The following MROH2B variants were observed in gnomAD, a reference collection of about 807,000 sequenced individuals.
The protein encoded by MROH2B is maestro heat-like repeat-containing protein family member 2B.
MROH2B carries 177 observed loss-of-function variants against 208.6 expected under a neutral mutation model. That is an observed-to-expected ratio of 0.85 (90% confidence interval 0.75 to 0.96). The LOEUF is 0.96. Among genes scored for constraint, MROH2B ranks in the 40% least tolerant of loss-of-function variants. The pLI is 0.00. For missense variants in MROH2B, 2,002 were observed against 1,878.7 expected (o/e 1.07, Z -1.21); for synonymous variants, 728 against 659.0 (o/e 1.10, Z -1.60).
chr5:41,052,042 A>G (rs1473052779), intron 12 of MROH2B, among the ~76,000 whole-genome samples: 4 of 152,164 alleles, frequency 2.6e-5, no homozygotes, highest in Non-Finnish European at 4.4e-5. Context: ...TGAATGAACT[A>G]AGACACCGTT....
intron 21 of MROH2B, among the ~76,000 whole-genome samples, chr5:41,034,626 T>C (rs1285677040): frequency 6.6e-6 from 1 of 151,262 alleles, no homozygotes; most frequent in African/African-American, 2.4e-5. Context: ...TTTTTTTGGG[T>C]AGCATTTGTG....
Position 41,008,675 on chromosome 5 carries a change from G to A in MROH2B, c.3539C>T (p.Thr1180Ile), listed in dbSNP as rs34245494. 1.2e-3 allele frequency: 1,863 copies of A among 1,613,954 alleles called. 19 individuals carry two copies. In the African/African-American group the frequency reaches 0.021, roughly 18 times the overall value. The change falls in exon 33 of 42, where the codon ACT becomes ATT. Residue 1180 changes from threonine (T) to isoleucine (I), a missense_variant. Coordinates refer to ENST00000399564, the MANE Select transcript of MROH2B (RefSeq NM_173489.5). ...VSCTLGQKMLTCPWSHRRHVM... is the reference protein window; with the variant it reads ...VSCTLGQKMLICPWSHRRHVM... Reference sequence around the variant, plus strand: ...ATGCCGCCTATGGCTCCAGGGACAAGTGAGCATCTTCTGGCCCAGTGTGCA... The same window carrying A: ...ATGCCGCCTATGGCTCCAGGGACAAATGAGCATCTTCTGGCCCAGTGTGCA...
rs1310299796 is a variant in MROH2B at position 41,049,317 on chromosome 5, G to A, written c.1464C>T (p.Ala488=). Residue 488 remains alanine, a synonymous_variant, in exon 14 of 42, where the codon GCC becomes GCT. Coordinates refer to ENST00000399564, the MANE Select transcript of MROH2B (RefSeq NM_173489.5). ...IMAEEKKQHS[A]KESTALVVST... is the part of the protein sequence containing the mutation. Reference sequence around the variant, plus strand: ...AGACGACAAGTGCTGTCGACTCCTTGGCACTGTGCTGCTTCTTCTCCTCTG... The same window carrying A: ...AGACGACAAGTGCTGTCGACTCCTTAGCACTGTGCTGCTTCTTCTCCTCTG... 2.5e-6 allele frequency: 4 copies of A among 1,613,550 alleles called. No individual in the cohort carries two copies. In the African/African-American group the frequency reaches 5.3e-5, roughly 22 times the overall value.
intron 24 of MROH2B, among the ~76,000 whole-genome samples, chr5:41,023,162 C>G (rs937957168): frequency 3.9e-5 from 6 of 152,206 alleles, no homozygotes; most frequent in Admixed American, 3.3e-4. Context: ...AAAGCAGCTC[C>G]TCACAAGCAA....
chr5:41,017,406 G>A (rs1741990430), intron 28 of MROH2B, among the ~76,000 whole-genome samples: 1 of 152,212 alleles, frequency 6.6e-6, no homozygotes, highest in East Asian at 1.9e-4. Flanking sequence ...AATTTTCTCT[G>A]AAGAAAACCA....
At chr5:41,070,698 T>A (rs1284013643) in intron 1 of MROH2B, 127 bp downstream of exon 1, 26 of 866,842 alleles carry the variant, frequency 3.0e-5, no homozygotes, top group Middle Eastern at 2.2e-4. Context: ...TACCATTTCA[T>A]AAATCCTTTG....
At chr5:41,004,564 G>T (rs1379028358) in intron 36 of MROH2B, 36 bp from the exon 37 acceptor site, 1 of 1,587,574 alleles carries the variant, frequency 6.3e-7, no homozygotes. Context: ...CTTGAAAATT[G>T]TTCTATGCGT....
At chr5:41,034,003 C>A in intron 21 of MROH2B, 139 bp from the exon 22 acceptor site, 2 of 1,409,556 alleles carry the variant, frequency 1.4e-6, no homozygotes, top group Non-Finnish European at 1.9e-6. Flanking sequence ...GGGGTCTTGC[C>A]AAGGGGAGGG....
Position 40,998,088 on chromosome 5 carries a change from G to T in MROH2B, c.4722C>A (p.Leu1574=). 1 of 1,612,424 alleles carries T rather than the reference G, an allele frequency of 6.2e-7. No homozygotes were observed. The highest frequency in any genetic ancestry group is 2.2e-5 in the East Asian group (1 of 44,848). Residue 1574 remains leucine, a synonymous_variant, in exon 42 of 42, where the codon CTC becomes CTA. Transcript: ENST00000399564. ...QRAAEAALQT[L]LRRCKETSIP... The stretch of plus-strand genomic sequence containing the variant: ...TGCTTGTCTCTTTACACCTTCTCAG[G>T]AGGGTTTGCAAAGCAGCCTCAGCTG...
At chr5:41,029,088 C>T (rs1259088160) in intron 24 of MROH2B, among the ~76,000 whole-genome samples, 2 of 152,132 alleles carry the variant, frequency 1.3e-5, no homozygotes, top group Non-Finnish European at 2.9e-5. Context: ...TACGTTCCCA[C>T]CAACAGTGTA....
chr5:41,061,823 T>C, intron 5 of MROH2B, 99 bp from the exon 6 acceptor site: 1 of 1,287,330 alleles, frequency 7.8e-7, no homozygotes, highest in South Asian at 1.6e-5. Flanking sequence ...AGTAAATATG[T>C]AATGGTTTTT....
intron 37 of MROH2B, among the ~76,000 whole-genome samples, chr5:41,002,929 A>C (rs1741446256): frequency 6.6e-6 from 1 of 151,870 alleles, no homozygotes; most frequent in African/African-American, 2.4e-5. Context: ...TACCCCAGTA[A>C]GCATTTTTGA....
chr5:41,042,379 C>T (rs955427165), intron 18 of MROH2B, among the ~76,000 whole-genome samples, 171 bp from the exon 19 acceptor site: 1 of 152,180 alleles, frequency 6.6e-6, no homozygotes, highest in African/African-American at 2.4e-5. Flanking sequence ...CCAGGCTCTG[C>T]CCTCCATCTG....
At chr5:41,045,957 T>C (rs1379083208) in intron 17 of MROH2B, 104 bp from the exon 18 acceptor site, 4 of 656,906 alleles carry the variant, frequency 6.1e-6, no homozygotes, top group East Asian at 6.0e-5. Context: ...ATATTTTAAA[T>C]AGTATTATTC....
chr5:41,022,805 A>G (rs1007523030), intron 24 of MROH2B, among the ~76,000 whole-genome samples: 3 of 152,208 alleles, frequency 2.0e-5, no homozygotes, highest in African/African-American at 4.8e-5. Flanking sequence ...GTGGTGGCAG[A>G]CTGACATCTC....
intron 18 of MROH2B, among the ~76,000 whole-genome samples, chr5:41,045,472 A>T (rs908359383): frequency 2.6e-5 from 4 of 152,174 alleles, no homozygotes; most frequent in Non-Finnish European, 5.9e-5. Flanking sequence ...TCCTGTAGAA[A>T]GAACCTCTGA....
chr5:41,038,796 G>C lies in MROH2B; in HGVS notation c.2154C>G (p.Leu718=), dbSNP rs946535150. 5 of 1,613,668 alleles carry C rather than the reference G, an allele frequency of 3.1e-6. No homozygotes were observed. In the African/African-American group the frequency reaches 5.3e-5, roughly 17 times the overall value. Residue 718 remains leucine, a synonymous_variant, in exon 21 of 42, where the codon CTC becomes CTG. Transcript: ENST00000399564. ...VALHAPKKQL[L]SRLNQDIISQ... ...ATATGATATCTTGATTAAGTCTGGA[G>C]AGAAGTTGCTTCTTGGGAGCATGGA...
chr5:41,005,178 G>C, intron 35 of MROH2B: 2 of 536,824 alleles, frequency 3.7e-6, no homozygotes, highest in Non-Finnish European at 6.5e-6. Flanking sequence ...ATGGGGCAGG[G>C]AAAACAGGAA....
At chr5:41,022,485 G>T (rs901987996) in intron 24 of MROH2B, among the ~76,000 whole-genome samples, 1 of 152,150 alleles carries the variant, frequency 6.6e-6, no homozygotes, top group Non-Finnish European at 1.5e-5. Context: ...ACTGCAAGGT[G>T]GCAGCGAGGC....
Sources: allele counts gnomAD v4.1 joint callset (sites outside exome capture counted in the v4.1 genomes callset), GRCh38; gene constraint gnomAD v4.1.1; transcripts MANE v1.5; gene names NCBI Gene and HGNC (gene_info 2026-07-23, HGNC 2026-07-21).